SGCD: variants seen among roughly 807,000 people sequenced by gnomAD.
SGCD encodes delta-sarcoglycan.
In SGCD, 18 loss-of-function variants were observed where a neutral mutation model predicts 36.6. That is an observed-to-expected ratio of 0.49 (90% CI 0.34 to 0.73). The LOEUF (loss-of-function observed/expected upper bound fraction) is 0.73. SGCD is among the 30% of genes least tolerant of loss of function. The pLI, the probability that SGCD is intolerant of heterozygous loss-of-function variation, is 0.01. For missense variants in SGCD, 387 were observed against 346.7 expected (o/e 1.12, Z -0.92); for synonymous variants, 133 against 130.6 (o/e 1.02, Z -0.12).
rs2127620824 is a variant in SGCD at position 156,167,950 on chromosome 5, G to A, written c.-44+43931G>A. ...GATTTCAGGGAGGCAATAAGGTGGA[G>A]CATTCATTAGTGCGTGACTTGCTTA... On this transcript the variant is annotated intron_variant, in intron 3 of 9. Coordinates refer to the SGCD transcript ENST00000517913. Among the ~76,000 whole-genome samples, 5 of 152,292 alleles carry A rather than the reference G, an allele frequency of 3.3e-5. 1 individual carries two copies. The South Asian group carries it at 1.0e-3, about 32-fold the overall frequency.
intron 3 of SGCD, among the ~76,000 whole-genome samples, chr5:156,188,837 T>C (rs1346017545): frequency 1.3e-5 from 2 of 152,146 alleles, no homozygotes; most frequent in African/African-American, 2.4e-5. Context: ...CAAATTAATA[T>C]ACAAATTAAT....
intron 3 of SGCD, among the ~76,000 whole-genome samples, chr5:156,413,177 G>A (rs1487622957): frequency 6.6e-6 from 1 of 152,122 alleles, no homozygotes. Flanking sequence ...TAAAATAATT[G>A]CACACTGGCA....
chr5:156,313,430 T>A (rs982045461), intron 3 of SGCD, among the ~76,000 whole-genome samples: 28 of 152,180 alleles, frequency 1.8e-4, no homozygotes, highest in African/African-American at 6.3e-4. Flanking sequence ...TTTGTGTGTG[T>A]GAGGTAAAGA....
intron 1 of SGCD, among the ~76,000 whole-genome samples, chr5:156,086,597 C>T (rs972499405): frequency 2.6e-5 from 4 of 152,164 alleles, no homozygotes; most frequent in African/African-American, 9.7e-5. Context: ...CAGGCACAGT[C>T]AGGTTGTAAA....
the SGCD span, among the ~76,000 whole-genome samples, chr5:155,844,598 C>T: frequency 2.0e-5 from 3 of 152,130 alleles, no homozygotes; most frequent in African/African-American, 7.2e-5. Flanking sequence ...AAAGAACTGA[C>T]CTTTACATCA....
chr5:156,054,596 ACTTT>A (rs1006617926), intron 1 of SGCD, among the ~76,000 whole-genome samples: 2 of 146,412 alleles, frequency 1.4e-5, no homozygotes, highest in African/African-American at 4.9e-5. Context: ...CTAAACATGA[ACTTT>A]CTATATTTAA....
intron 6 of SGCD, among the ~76,000 whole-genome samples, chr5:156,609,397 T>A (rs1457095114): frequency 6.6e-6 from 1 of 152,172 alleles, no homozygotes; most frequent in African/African-American, 2.4e-5. Context: ...GCTTGTAGAG[T>A]TTCTGCCGAG....
At chr5:156,179,357 A>G (rs1763548501) in intron 3 of SGCD, among the ~76,000 whole-genome samples, 1 of 152,192 alleles carries the variant, frequency 6.6e-6, no homozygotes, top group Non-Finnish European at 1.5e-5. Flanking sequence ...ATACGGGTGT[A>G]CAATAAATTT....
intron 7 of SGCD, among the ~76,000 whole-genome samples, chr5:156,733,966 A>G (rs1465968712): frequency 1.3e-5 from 2 of 151,900 alleles, no homozygotes; most frequent in Non-Finnish European, 2.9e-5. Flanking sequence ...TCTCATCATG[A>G]TCTTAGCGGG....
intron 2 of SGCD, among the ~76,000 whole-genome samples, chr5:156,118,697 T>G (rs1317458021): frequency 6.6e-6 from 1 of 152,176 alleles, no homozygotes; most frequent in Non-Finnish European, 1.5e-5. Context: ...CCAAAGTTCC[T>G]TTGATTTCAC....
At chr5:155,963,102 T>C (rs940279703) in intron 1 of SGCD, among the ~76,000 whole-genome samples, 2 of 152,138 alleles carry the variant, frequency 1.3e-5, no homozygotes, top group African/African-American at 4.8e-5. Flanking sequence ...ACAAAGGTTT[T>C]CTGTCACCAT....
intron 3 of SGCD, among the ~76,000 whole-genome samples, chr5:156,310,220 C>T (rs944498021): frequency 1.3e-5 from 2 of 152,134 alleles, no homozygotes; most frequent in South Asian, 2.1e-4. Context: ...CCCAATAGTA[C>T]GAAAATAAAA....
intron 1 of SGCD, among the ~76,000 whole-genome samples, chr5:155,959,075 A>T (rs1389033225): frequency 1.3e-5 from 2 of 152,136 alleles, no homozygotes; most frequent in Admixed American, 6.5e-5. Flanking sequence ...AACAAATGTA[A>T]TTCAAGGTCA....
chr5:156,159,681 C>A (rs117712179), intron 3 of SGCD, among the ~76,000 whole-genome samples: 3 of 151,650 alleles, frequency 2.0e-5, no homozygotes, highest in East Asian at 3.9e-4. Context: ...AGAAAAGTAT[C>A]TACAGGAAAA....
At chr5:156,167,456 T>C (rs563904852) in intron 3 of SGCD, among the ~76,000 whole-genome samples, 1 of 152,132 alleles carries the variant, frequency 6.6e-6, no homozygotes, top group Non-Finnish European at 1.5e-5. Context: ...TTGTTGCAAG[T>C]ATGGTAATAT....
At chr5:156,080,800 G>T (rs1014948226) in intron 1 of SGCD, among the ~76,000 whole-genome samples, 1 of 152,102 alleles carries the variant, frequency 6.6e-6, no homozygotes, top group African/African-American at 2.4e-5. Flanking sequence ...CAATATTTTA[G>T]TCACAATCCT....
chr5:156,401,736 G>A (rs566942559), intron 3 of SGCD, among the ~76,000 whole-genome samples: 2 of 149,788 alleles, frequency 1.3e-5, no homozygotes, highest in Non-Finnish European at 3.0e-5. Flanking sequence ...TAGGAAATAA[G>A]TAGTCATGGT....
chr5:156,119,139 G>T (rs543025684), intron 2 of SGCD, among the ~76,000 whole-genome samples: 2 of 152,252 alleles, frequency 1.3e-5, no homozygotes, highest in Admixed American at 1.3e-4. Context: ...CTATTTGTGT[G>T]CCTTTACTAT....
intron 3 of SGCD, among the ~76,000 whole-genome samples, chr5:156,429,690 G>T (rs985743170): frequency 1.3e-5 from 2 of 151,496 alleles, no homozygotes; most frequent in Non-Finnish European, 2.9e-5. Flanking sequence ...ACTCCTTTTA[G>T]CATTTCTTGT....
Sources: allele counts gnomAD v4.1 joint callset (sites outside exome capture counted in the v4.1 genomes callset), GRCh38; gene constraint gnomAD v4.1.1; transcripts MANE v1.5; gene names NCBI Gene and HGNC (gene_info 2026-07-23, HGNC 2026-07-21).